The following NAALADL2 variants were observed in gnomAD, a reference collection of about 807,000 sequenced individuals.
NAALADL2 encodes the protein N-acetylated alpha-linked acidic dipeptidase like 2.
NAALADL2 carries 76 observed loss-of-function variants against 87.2 expected under a neutral mutation model. The ratio of observed to expected loss-of-function variants is 0.87; its 90% CI spans 0.72 to 1.05. NAALADL2 has a LOEUF of 1.05. Ranked by LOEUF, NAALADL2 falls within the 50% of genes least tolerant of loss-of-function variation. NAALADL2 has a pLI of 0.00. For synonymous variants in NAALADL2, 354 were observed against 331.0 expected, an observed-to-expected ratio of 1.07 and a Z score of -0.75; for missense variants, 1,089 against 945.8, an observed-to-expected ratio of 1.15 and a Z score of -1.99.
chr3:174,860,773 A>ATCG (rs1726392347), intron 1 of NAALADL2, among the ~76,000 whole-genome samples: 2 of 152,044 alleles, frequency 1.3e-5, no homozygotes, highest in Admixed American at 1.3e-4. Flanking sequence ...GATCATGGGT[A>ATCG]ATATTTTTTT....
chr3:175,262,065 C>G (rs1246428711), intron 4 of NAALADL2, among the ~76,000 whole-genome samples: 3 of 152,032 alleles, frequency 2.0e-5, no homozygotes, highest in Non-Finnish European at 2.9e-5. Flanking sequence ...TCAAACACAA[C>G]TGAATCCAGA....
At chr3:175,541,706 T>C (rs1029381215) in intron 9 of NAALADL2, among the ~76,000 whole-genome samples, 1 of 152,096 alleles carries the variant, frequency 6.6e-6, no homozygotes, top group Non-Finnish European at 1.5e-5. Flanking sequence ...TTGTGTGCAG[T>C]TGTTTGTTGA....
At chr3:175,397,843 T>A (rs922855714) in intron 5 of NAALADL2, among the ~76,000 whole-genome samples, 8 of 152,142 alleles carry the variant, frequency 5.3e-5, no homozygotes, top group Non-Finnish European at 4.4e-5. Flanking sequence ...TGCATTAATT[T>A]TCTGGTGAAG....
intron 9 of NAALADL2, among the ~76,000 whole-genome samples, chr3:175,481,299 A>G (rs746295905): frequency 3.3e-5 from 5 of 151,376 alleles, no homozygotes; most frequent in Non-Finnish European, 7.4e-5. Context: ...ATTTATATAC[A>G]TTTCAAAGAT....
chr3:175,242,149 C>T (rs1488451536), intron 3 of NAALADL2, among the ~76,000 whole-genome samples: 6 of 152,074 alleles, frequency 3.9e-5, no homozygotes, highest in East Asian at 1.9e-4. Flanking sequence ...CATGAGCCAC[C>T]GCGCCCGGCC....
intron 5 of NAALADL2, among the ~76,000 whole-genome samples, chr3:175,360,264 G>A (rs141414517): frequency 6.6e-6 from 1 of 151,952 alleles, no homozygotes; most frequent in Non-Finnish European, 1.5e-5. Context: ...TTCTCTACTT[G>A]TTTAGTTTTC....
intron 1 of NAALADL2, among the ~76,000 whole-genome samples, chr3:174,538,700 A>G (rs747457604): frequency 1.3e-5 from 2 of 152,076 alleles, no homozygotes; most frequent in Non-Finnish European, 2.9e-5. Context: ...CATCTGCATA[A>G]TAAAAACCTT....
intron 1 of NAALADL2, among the ~76,000 whole-genome samples, chr3:175,018,353 A>C (rs1751122618): frequency 6.6e-6 from 1 of 152,078 alleles, no homozygotes; most frequent in Non-Finnish European, 1.5e-5. Flanking sequence ...CATTTTTTTC[A>C]TTAAGCAAAA....
At chr3:175,496,733 T>C (rs1462367827) in intron 9 of NAALADL2, among the ~76,000 whole-genome samples, 1 of 151,868 alleles carries the variant, frequency 6.6e-6, no homozygotes, top group Non-Finnish European at 1.5e-5. Flanking sequence ...TTTGTGTGGT[T>C]TTTTTTTGCA....
At chr3:175,308,789 G>A (rs1024972439) in intron 4 of NAALADL2, among the ~76,000 whole-genome samples, 1 of 152,198 alleles carries the variant, frequency 6.6e-6, no homozygotes, top group African/African-American at 2.4e-5. Context: ...GGATTGCAAA[G>A]GCAACTGGTA....
chr3:175,149,664 T>C (rs1731258149), intron 2 of NAALADL2, among the ~76,000 whole-genome samples: 1 of 152,198 alleles, frequency 6.6e-6, no homozygotes, highest in African/African-American at 2.4e-5. Flanking sequence ...CTACTTTTAG[T>C]AGTGATATTA....
chr3:175,243,585 C>T (rs1747398760), intron 3 of NAALADL2, among the ~76,000 whole-genome samples: 1 of 121,712 alleles, frequency 8.2e-6, no homozygotes, highest in Non-Finnish European at 1.6e-5. Flanking sequence ...TACTAGCATA[C>T]AGCTGCCCAG....
intron 9 of NAALADL2, among the ~76,000 whole-genome samples, chr3:175,488,425 T>C (rs1203062099): frequency 1.3e-5 from 2 of 152,260 alleles, no homozygotes; most frequent in Admixed American, 6.5e-5. Flanking sequence ...TGCCAGCTTT[T>C]CCATTTGTCT....
chr3:175,724,531 T>C (rs578139432), intron 11 of NAALADL2, among the ~76,000 whole-genome samples: 45 of 152,256 alleles, frequency 3.0e-4, no homozygotes, highest in African/African-American at 8.7e-4. Flanking sequence ...AGTCTCACTT[T>C]GTAGGATGCA....
chr3:175,034,166 C>T (rs758702376), intron 1 of NAALADL2, among the ~76,000 whole-genome samples: 2 of 152,088 alleles, frequency 1.3e-5, no homozygotes, highest in Non-Finnish European at 2.9e-5. Context: ...TTGCTGTCTC[C>T]ACCTTTGACA....
At chr3:174,473,452 T>A (rs1717029887) in intron 1 of NAALADL2, among the ~76,000 whole-genome samples, 1 of 152,156 alleles carries the variant, frequency 6.6e-6, no homozygotes, top group African/African-American at 2.4e-5. Flanking sequence ...AAAACTTCCT[T>A]CCTGTGAATG....
At chr3:174,525,745 A>C (rs1720689236) in intron 1 of NAALADL2, among the ~76,000 whole-genome samples, 1 of 152,224 alleles carries the variant, frequency 6.6e-6, no homozygotes, top group South Asian at 2.1e-4. Flanking sequence ...TTTCAACTTT[A>C]TTCAGATTCT....
intron 2 of NAALADL2, among the ~76,000 whole-genome samples, chr3:175,156,455 T>G (rs1038056468): frequency 2.6e-5 from 4 of 152,266 alleles, no homozygotes; most frequent in Non-Finnish European, 5.9e-5. Context: ...ATGCTTATTA[T>G]TTCCTACATT....
At chr3:174,836,831 C>T (rs895495515) in intron 3 of NAALADL2, among the ~76,000 whole-genome samples, 1 of 151,550 alleles carries the variant, frequency 6.6e-6, no homozygotes, top group Admixed American at 6.6e-5. Context: ...CAATCCTTAC[C>T]ACTTCTGACA....
Sources: allele counts gnomAD v4.1 joint callset (sites outside exome capture counted in the v4.1 genomes callset), GRCh38; gene constraint gnomAD v4.1.1; transcripts MANE v1.5; gene names NCBI Gene and HGNC (gene_info 2026-07-23, HGNC 2026-07-21).